The following CTNNA2 variants were observed in gnomAD, a reference collection of about 807,000 sequenced individuals.
CTNNA2 encodes the protein catenin alpha 2, also known as catenin alpha-2.
Under a neutral mutation model 101.0 loss-of-function variants are expected in CTNNA2, and 42 were observed. That is an observed-to-expected ratio of 0.42 (90% CI 0.32 to 0.54). The LOEUF is 0.54. Ranked by LOEUF, CTNNA2 falls within the 20% of genes least tolerant of loss-of-function variation. The pLI is 0.14. For synonymous variants in CTNNA2, 450 were observed against 456.4 expected (o/e 0.99, Z 0.18); for missense variants, 871 against 1,223.1 (o/e 0.71, Z 4.29).
At chr2:79,199,191 C>G (rs942864258) in intron 2 of CTNNA2, among the ~76,000 whole-genome samples, 1 of 152,116 alleles carries the variant, frequency 6.6e-6, no homozygotes, top group Non-Finnish European at 1.5e-5. Flanking sequence ...TTTTTCCCTA[C>G]GGGGCAAAGA....
intron 7 of CTNNA2, among the ~76,000 whole-genome samples, chr2:80,178,746 T>C (rs1343762485): frequency 6.6e-6 from 1 of 152,226 alleles, no homozygotes; most frequent in Non-Finnish European, 1.5e-5. Context: ...GCCTTTTTCT[T>C]GGTTGTAGGA....
chr2:79,966,012 A>G (rs1387455637), intron 7 of CTNNA2, among the ~76,000 whole-genome samples: 1 of 152,166 alleles, frequency 6.6e-6, no homozygotes, highest in Non-Finnish European at 1.5e-5. Context: ...CTTGCCCACA[A>G]AATTCTGGGT....
chr2:79,556,871 A>G (rs1462842818), intron 1 of CTNNA2, among the ~76,000 whole-genome samples: 1 of 151,992 alleles, frequency 6.6e-6, no homozygotes, highest in Non-Finnish European at 1.5e-5. Flanking sequence ...TACTGGTTTT[A>G]AAACATAGGA....
intron 9 of CTNNA2, among the ~76,000 whole-genome samples, chr2:80,526,200 TTTTTC>T (rs950751619): frequency 1.3e-5 from 2 of 152,122 alleles, no homozygotes; most frequent in African/African-American, 4.8e-5. Flanking sequence ...CTCGATTTTC[TTTTTC>T]TTTTCTTTTT....
At chr2:79,330,563 G>C (rs567178348) in intron 3 of CTNNA2, among the ~76,000 whole-genome samples, 46 of 152,294 alleles carry the variant, frequency 3.0e-4, no homozygotes, top group African/African-American at 8.2e-4. Flanking sequence ...TAGTTTGGCT[G>C]TGTCCCCACC....
rs1682090191 is a variant in CTNNA2 at position 79,866,263 on chromosome 2, G to A, written c.466-3553G>A. ...CACTAAATTGGGAATAAATTTTAGT[G>A]TCTTCTCTAGAAGTGTCAGTCTTTT... On this transcript the variant is annotated intron_variant, in intron 4 of 18. Coordinates refer to ENST00000402739, the MANE Select transcript of CTNNA2 (RefSeq NM_001282597.3). Among the ~76,000 whole-genome samples the A allele has an allele frequency of 2.0e-5, 3 of 152,198 alleles. No homozygotes were observed. The South Asian group carries it at 6.2e-4, about 32-fold the overall frequency.
intron 3 of CTNNA2, among the ~76,000 whole-genome samples, chr2:79,814,651 A>C (rs1379077032): frequency 6.6e-6 from 1 of 151,702 alleles, no homozygotes; most frequent in East Asian, 1.9e-4. Flanking sequence ...ATATATATAT[A>C]TCACAGTTTC....
chr2:79,935,663 A>G (rs994831885), intron 7 of CTNNA2, among the ~76,000 whole-genome samples: 2 of 152,254 alleles, frequency 1.3e-5, no homozygotes, highest in African/African-American at 2.4e-5. Context: ...TACGAAGACT[A>G]TACATGAGAT....
intron 1 of CTNNA2, among the ~76,000 whole-genome samples, chr2:79,572,364 TGGA>T (rs1675512985): frequency 6.6e-6 from 1 of 152,146 alleles, no homozygotes; most frequent in South Asian, 2.1e-4. Context: ...ACTATAGATG[TGGA>T]GGAGAAGAAC....
At chr2:79,284,548 A>C (rs919153320) in intron 2 of CTNNA2, among the ~76,000 whole-genome samples, 1 of 151,542 alleles carries the variant, frequency 6.6e-6, no homozygotes, top group African/African-American at 2.4e-5. Context: ...CTCTGTTTAT[A>C]TGCTGGATTA....
chr2:79,937,388 C>T (rs562659163), intron 7 of CTNNA2, among the ~76,000 whole-genome samples: 5 of 152,298 alleles, frequency 3.3e-5, no homozygotes, highest in Admixed American at 6.5e-5. Flanking sequence ...GTCTACGTGA[C>T]GTGGAAGACA....
chr2:79,186,444 C>CTAAA (rs1400326221), intron 1 of CTNNA2, among the ~76,000 whole-genome samples: 1 of 152,232 alleles, frequency 6.6e-6, no homozygotes, highest in East Asian at 1.9e-4. Context: ...GTATCCTGAA[C>CTAAA]TAAAACACTT....
At chr2:80,329,964 C>T (rs771828690) in intron 7 of CTNNA2, among the ~76,000 whole-genome samples, 24 of 152,356 alleles carry the variant, frequency 1.6e-4, no homozygotes, top group African/African-American at 5.3e-4. Flanking sequence ...ATGGCTCTTC[C>T]GAAGTACCCA....
chr2:80,054,726 G>A (rs1350069726), intron 7 of CTNNA2, among the ~76,000 whole-genome samples: 1 of 152,160 alleles, frequency 6.6e-6, no homozygotes, highest in Non-Finnish European at 1.5e-5. Flanking sequence ...GAGGACCTGA[G>A]GCTCTGACCC....
At chr2:79,989,553 T>C (rs1412282112) in intron 7 of CTNNA2, among the ~76,000 whole-genome samples, 1 of 152,106 alleles carries the variant, frequency 6.6e-6, no homozygotes, top group Non-Finnish European at 1.5e-5. Flanking sequence ...AGGAAGATCA[T>C]TGAGCCCAGG....
At chr2:80,049,727 A>G (rs1319343273) in intron 7 of CTNNA2, among the ~76,000 whole-genome samples, 1 of 152,168 alleles carries the variant, frequency 6.6e-6, no homozygotes, top group Non-Finnish European at 1.5e-5. Context: ...GCACTTCTGT[A>G]TTCATGGCCC....
Position 80,381,208 on chromosome 2 carries a change from G to A in CTNNA2, c.1057-12003G>A, listed in dbSNP as rs141659604. ...GGCAGCCTGGCCTTCCCCCAGCTTG[G>A]AGATCAGTTTGAGAAGTCGAGGAAG... On this transcript the variant is annotated intron_variant, in intron 7 of 18. Transcript: ENST00000402739. Among the ~76,000 whole-genome samples the A allele has an allele frequency of 8.3e-3, 1,264 of 151,812 alleles. 12 individuals are homozygous for A. The highest frequency in any genetic ancestry group is 0.013 in the Non-Finnish European group (903 of 67,978).
chr2:79,923,931 A>G (rs1363090534), intron 7 of CTNNA2, among the ~76,000 whole-genome samples: 1 of 152,178 alleles, frequency 6.6e-6, no homozygotes, highest in Non-Finnish European at 1.5e-5. Context: ...TAAAAATAGA[A>G]TTAACATATG....
chr2:79,409,427 T>C (rs1678381413), intron 4 of CTNNA2, among the ~76,000 whole-genome samples: 1 of 152,132 alleles, frequency 6.6e-6, no homozygotes, highest in Non-Finnish European at 1.5e-5. Context: ...GTTTTTATGG[T>C]TTTAGGTCTA....
Sources: allele counts gnomAD v4.1 joint callset (sites outside exome capture counted in the v4.1 genomes callset), GRCh38; gene constraint gnomAD v4.1.1; transcripts MANE v1.5; gene names NCBI Gene and HGNC (gene_info 2026-07-23, HGNC 2026-07-21).